DPYD: variants seen among roughly 807,000 people sequenced by gnomAD.
The protein encoded by DPYD is dihydropyrimidine dehydrogenase.
DPYD carries 109 observed loss-of-function variants against 116.2 expected under a neutral mutation model. The observed-to-expected ratio is 0.94, with a 90% CI of 0.80 to 1.10. The LOEUF (loss-of-function observed/expected upper bound fraction) is 1.10, where lower values mean the gene tolerates loss of function less well. Ranked by LOEUF, DPYD falls within the 50% of genes least tolerant of loss-of-function variation. The pLI is 0.00. For missense variants in DPYD, 1,302 were observed against 1,254.5 expected (o/e 1.04, Z -0.57); for synonymous variants, 440 against 432.0 (o/e 1.02, Z -0.23).
At chr1:97,465,541 C>A (rs770596775) in intron 13 of DPYD, among the ~76,000 whole-genome samples, 1 of 152,096 alleles carries the variant, frequency 6.6e-6, no homozygotes, top group Non-Finnish European at 1.5e-5. Flanking sequence ...GTTCTCATGA[C>A]AGTGAATAAA....
intron 8 of DPYD, among the ~76,000 whole-genome samples, chr1:97,642,888 A>AAAATTAAATT (rs536020709): frequency 6.7e-6 from 1 of 148,794 alleles, no homozygotes; most frequent in Non-Finnish European, 1.5e-5. Context: ...TAATAATAAT[A>AAAATTAAATT]AAATTAAATT....
At chr1:97,140,485 A>G (rs996860167) in intron 20 of DPYD, among the ~76,000 whole-genome samples, 1 of 152,154 alleles carries the variant, frequency 6.6e-6, no homozygotes, top group Non-Finnish European at 1.5e-5. Context: ...GGTATCCTTT[A>G]AGAAAAAGAG....
chr1:97,752,844 C>T (rs1665007297), intron 3 of DPYD, among the ~76,000 whole-genome samples: 1 of 152,166 alleles, frequency 6.6e-6, no homozygotes, highest in African/African-American at 2.4e-5. Context: ...TCTTCTATTT[C>T]CTCCTCCAGT....
chr1:97,253,037 A>G (rs1486016431), intron 18 of DPYD, among the ~76,000 whole-genome samples: 1 of 152,204 alleles, frequency 6.6e-6, no homozygotes, highest in Non-Finnish European at 1.5e-5. Flanking sequence ...AAAATGATGT[A>G]TTTCCCATAT....
At chr1:97,625,523 C>T (rs906012859) in intron 8 of DPYD, among the ~76,000 whole-genome samples, 3 of 151,934 alleles carry the variant, frequency 2.0e-5, no homozygotes, top group Non-Finnish European at 4.4e-5. Flanking sequence ...AAATACCTGA[C>T]AATGCATCTG....
At chr1:97,396,877 C>T (rs72728468) in intron 14 of DPYD, among the ~76,000 whole-genome samples, 29,123 of 151,958 alleles carry the variant, frequency 0.19, 2,956 homozygotes, top group South Asian at 0.36. Context: ...TCAATGATCT[C>T]AGAGACAGAA....
chr1:97,504,480 G>A (rs1679770879), intron 13 of DPYD, among the ~76,000 whole-genome samples: 1 of 151,964 alleles, frequency 6.6e-6, no homozygotes, highest in Admixed American at 6.6e-5. Context: ...CAAATGTGTT[G>A]CAGCAGAGAA....
At chr1:97,558,160 CT>C (rs996871279) in intron 11 of DPYD, among the ~76,000 whole-genome samples, 8 of 152,222 alleles carry the variant, frequency 5.3e-5, no homozygotes, top group Non-Finnish European at 7.4e-5. Context: ...CCAATGAAAC[CT>C]TTTTCCCCCC....
At chr1:97,851,980 A>G (rs1670590125) in intron 2 of DPYD, among the ~76,000 whole-genome samples, 1 of 150,324 alleles carries the variant, frequency 6.7e-6, no homozygotes, top group African/African-American at 2.5e-5. Context: ...TAGAGTTTAA[A>G]GTATAGAAAA....
At chr1:97,474,791 T>C (rs1449603592) in intron 13 of DPYD, among the ~76,000 whole-genome samples, 1 of 149,886 alleles carries the variant, frequency 6.7e-6, no homozygotes, top group Non-Finnish European at 1.5e-5. Context: ...ATATATGTTA[T>C]AATTATAGCA....
At chr1:97,514,268 GTAAAGACTGATGTCTCTGAT>G in intron 13 of DPYD, 1 of 981,440 alleles carries the variant, frequency 1.0e-6, no homozygotes, top group Non-Finnish European at 1.2e-6. Flanking sequence ...CACCAACAGT[GTAAAGACTGATGTCTCTGAT>G]TAATCAGAAT....
chr1:97,408,809 A>G (rs1673814181), intron 14 of DPYD, among the ~76,000 whole-genome samples: 1 of 152,200 alleles, frequency 6.6e-6, no homozygotes, highest in South Asian at 2.1e-4. Context: ...TGGAAAGAGC[A>G]GACTTGCTGA....
chr1:97,913,716 A>G (rs1465956513), intron 1 of DPYD, among the ~76,000 whole-genome samples: 1 of 152,136 alleles, frequency 6.6e-6, no homozygotes, highest in African/African-American at 2.4e-5. Context: ...CTACCGGGTG[A>G]GTCAATTCTG....
At chr1:97,778,155 C>CAAA (rs11434465) in intron 3 of DPYD, among the ~76,000 whole-genome samples, 2 of 11,038 alleles carry the variant, frequency 1.8e-4, no homozygotes, top group African/African-American at 2.5e-4. Context: ...AAGACCCTGT[C>CAAA]AAAAAAAAAA....
chr1:97,726,630 G>A (rs962912343), intron 4 of DPYD, among the ~76,000 whole-genome samples: 4 of 151,260 alleles, frequency 2.6e-5, no homozygotes, highest in African/African-American at 7.3e-5. Context: ...ATAATTAGAA[G>A]TGTCCTTGTA....
intron 5 of DPYD, among the ~76,000 whole-genome samples, chr1:97,707,912 A>T (rs928372545): frequency 4.6e-5 from 7 of 152,048 alleles, no homozygotes; most frequent in African/African-American, 1.7e-4. Flanking sequence ...TTCTTTATGA[A>T]GTATGTCTTT....
At chr1:97,583,389 C>T (rs549521699) in intron 10 of DPYD, among the ~76,000 whole-genome samples, 31 of 152,138 alleles carry the variant, frequency 2.0e-4, no homozygotes, top group Non-Finnish European at 3.2e-4. Flanking sequence ...CATATGATGA[C>T]GTTTTCTTAA....
chr1:97,783,919 T>C (rs1283604960), intron 3 of DPYD, among the ~76,000 whole-genome samples: 2 of 152,126 alleles, frequency 1.3e-5, no homozygotes, highest in Non-Finnish European at 2.9e-5. Context: ...AAATAATGGT[T>C]CCCATGACAA....
intron 16 of DPYD, among the ~76,000 whole-genome samples, chr1:97,371,795 TGAA>T (rs1557664555): frequency 6.6e-6 from 1 of 152,212 alleles, no homozygotes; most frequent in Non-Finnish European, 1.5e-5. Flanking sequence ...TTGGCTGATA[TGAA>T]GAATTGGTTT....
Sources: allele counts gnomAD v4.1 joint callset (sites outside exome capture counted in the v4.1 genomes callset), GRCh38; gene constraint gnomAD v4.1.1; transcripts MANE v1.5; gene names NCBI Gene and HGNC (gene_info 2026-07-23, HGNC 2026-07-21).